The following SPATA21 variants were observed in gnomAD, a reference collection of about 807,000 sequenced individuals.
SPATA21 encodes spermatogenesis-associated protein 21.
Under a neutral mutation model 54.8 loss-of-function variants are expected in SPATA21, and 47 were observed. The observed-to-expected ratio is 0.86, with a 90% confidence interval of 0.68 to 1.09. SPATA21 has a LOEUF of 1.09. Among genes scored for constraint, SPATA21 ranks in the 50% least tolerant of loss-of-function variants. SPATA21 has a pLI of 0.00. For missense variants in SPATA21, 599 were observed against 596.4 expected (o/e 1.00, Z -0.05); for synonymous variants, 245 against 235.3 (o/e 1.04, Z -0.38).
intron 5 of SPATA21, among the ~76,000 whole-genome samples, chr1:16,412,296 T>C (rs2085874516): frequency 6.6e-6 from 1 of 152,154 alleles, no homozygotes; most frequent in African/African-American, 2.4e-5. Flanking sequence ...TCTTCTTGGG[T>C]GTCTAGAACA....
At chr1:16,424,310 C>CAA (rs779826467) in intron 3 of SPATA21, among the ~76,000 whole-genome samples, 18 of 107,544 alleles carry the variant, frequency 1.7e-4, no homozygotes, top group South Asian at 3.1e-4. Context: ...AAGACTGTCT[C>CAA]AAAAAAAAAA....
chr1:16,422,747 T>C (rs2086207551), intron 3 of SPATA21, among the ~76,000 whole-genome samples: 1 of 152,032 alleles, frequency 6.6e-6, no homozygotes, highest in South Asian at 2.1e-4. Flanking sequence ...GGCTCAAGCA[T>C]TCCTCCTGCC....
At position 16,421,581 on chromosome 1, in the gene SPATA21, G is replaced by A; in HGVS notation, c.96-24C>T. 3 of 1,610,200 alleles carry A rather than the reference G, an allele frequency of 1.9e-6. No homozygotes were observed. The African/African-American group carries it at 4.0e-5, about 22-fold the overall frequency. On this transcript the variant is annotated intron_variant, in intron 4 of 12. Transcript: ENST00000335496. The surrounding 1 kb of genome is among the most constrained non-coding windows in gnomAD (Gnocchi z 5.2). ...CCCTGAATAGAAGAGAAACCCCCAG[G>A]TGGGGGAAGCGCTCAGCTGAAGGTT...
At chr1:16,405,334 T>G (rs1010841461) in intron 7 of SPATA21, among the ~76,000 whole-genome samples, 3 of 151,778 alleles carry the variant, frequency 2.0e-5, no homozygotes, top group African/African-American at 7.3e-5. Flanking sequence ...AAACCCTATC[T>G]CTACTAAAGA....
At chr1:16,425,208 G>T (rs764504813) in intron 3 of SPATA21, 5 of 518,030 alleles carry the variant, frequency 9.7e-6, no homozygotes, top group South Asian at 7.7e-5. Flanking sequence ...CACCATGCCC[G>T]GCCTGGAAAC....
In SPATA21 at chr1:16,405,121, G is replaced by T. The variant is rs1250766366; in HGVS notation, c.674-17C>A. On this transcript the variant is annotated splice_polypyrimidine_tract_variant and intron_variant, in intron 7 of 12. Coordinates refer to ENST00000335496, the MANE Select transcript of SPATA21 (RefSeq NM_198546.1). ...TGCGGAAGGCTGTGGGGAGGGCAGG[G>T]TTATGTGGAGTGGGGGCATTTCTTG... 1.3e-6 allele frequency: 2 copies of T among 1,595,790 alleles called. No homozygotes were observed. The highest frequency in any genetic ancestry group is 2.3e-5 in the East Asian group (1 of 43,362).
intron 3 of SPATA21, among the ~76,000 whole-genome samples, chr1:16,426,819 A>T (rs190237830): frequency 6.6e-6 from 1 of 151,960 alleles, no homozygotes; most frequent in Non-Finnish European, 1.5e-5. Context: ...ACCTCAGGTA[A>T]TCCACCTGCC....
intron 3 of SPATA21, among the ~76,000 whole-genome samples, chr1:16,426,297 C>T (rs2086315211): frequency 6.7e-6 from 1 of 150,272 alleles, no homozygotes; most frequent in African/African-American, 2.5e-5. Context: ...CTTGCTCTGT[C>T]ACCCAGGTTC....
At chr1:16,413,085 G>A (rs752732270) in intron 5 of SPATA21, among the ~76,000 whole-genome samples, 1 of 152,006 alleles carries the variant, frequency 6.6e-6, no homozygotes, top group Non-Finnish European at 1.5e-5. Flanking sequence ...CCCGGCCAAC[G>A]ATTTTTTTTT....
Position 16,403,825 on chromosome 1 carries a change from G to A in SPATA21, c.903C>T (p.Asp301=). 1 of 1,610,672 alleles carries A rather than the reference G, an allele frequency of 6.2e-7. No individual in the cohort carries two copies. Residue 301 remains aspartate, a synonymous_variant, in exon 10 of 13, where the codon GAC becomes GAT. Transcript: ENST00000335496. ...FCSVEQNALS[D]MAPHNPHTLL... is the part of the protein sequence containing the mutation. ...GAGTGTGGGGGTTGTGGGGAGCCAT[G>A]TCCGACAGGGCGTTCTGTTCTGGAG...
chr1:16,412,619 T>C (rs892643392), intron 5 of SPATA21, among the ~76,000 whole-genome samples: 3 of 151,944 alleles, frequency 2.0e-5, no homozygotes, highest in South Asian at 2.1e-4. Context: ...TGTACCACCA[T>C]GCCCGGCTAA....
At position 16,404,051 on chromosome 1, in the gene SPATA21, A is replaced by G. The variant is rs1475208025; in HGVS notation, c.812-12T>C. 6.4e-7 allele frequency: 1 copy of G among 1,552,612 alleles called. No homozygotes were observed. The highest frequency in any genetic ancestry group is 8.7e-7 in the Non-Finnish European group (1 of 1,147,474). On this transcript the variant is annotated splice_polypyrimidine_tract_variant and intron_variant, in intron 8 of 12. Transcript: ENST00000335496. ...CACACGACCATCTCCTGTGGAGGCC[A>G]GAGGAGTAGGGTGGGCAGGGACCTT...
Position 16,409,242 on chromosome 1 carries a change from C to T in SPATA21, c.588-39G>A, listed in dbSNP as rs2100811597. On this transcript the variant is annotated intron_variant, in intron 6 of 12. Coordinates refer to ENST00000335496, the MANE Select transcript of SPATA21 (RefSeq NM_198546.1). The surrounding 1 kb of genome is among the most constrained non-coding windows in gnomAD (Gnocchi z 4.1). ...AACCCCGACCCAGGGCAACATCCGGCCGCCCACCCTGCTGATAGCTAGGGG... is the reference window on the plus strand; with the variant it reads ...AACCCCGACCCAGGGCAACATCCGGTCGCCCACCCTGCTGATAGCTAGGGG... 1 of 1,610,772 alleles carries T rather than the reference C, an allele frequency of 6.2e-7. No individual in the cohort carries two copies. Among genetic ancestry groups the T allele is most frequent in the East Asian group, 2.2e-5 (1 of 44,824 alleles).
chr1:16,404,155 C>T, intron 8 of SPATA21, 116 bp from the exon 9 acceptor site: 1 of 826,072 alleles, frequency 1.2e-6, no homozygotes, highest in Non-Finnish European at 2.0e-6. Flanking sequence ...GCAGTGCATA[C>T]TCAATGCAGA....
intron 5 of SPATA21, among the ~76,000 whole-genome samples, chr1:16,412,579 C>T (rs539693443): frequency 4.9e-4 from 74 of 152,224 alleles, no homozygotes; most frequent in African/African-American, 1.7e-3. Flanking sequence ...TCTCCTGCCT[C>T]AGCCTCCCAA....
intron 7 of SPATA21, among the ~76,000 whole-genome samples, chr1:16,407,061 C>T (rs908703655): frequency 2.6e-4 from 39 of 152,360 alleles, no homozygotes; most frequent in African/African-American, 8.9e-4. Context: ...GCCATGACAA[C>T]AGGGCACCCT....
intron 5 of SPATA21, among the ~76,000 whole-genome samples, chr1:16,412,673 A>G (rs1385241310): frequency 6.6e-6 from 1 of 151,536 alleles, no homozygotes; most frequent in African/African-American, 2.4e-5. Flanking sequence ...ATGTTGGCCA[A>G]ACTGGTCTCG....
rs1430305734 is a variant in SPATA21, at chr1:16,428,833, T to C, written c.34+2505A>G. On this transcript the variant is annotated intron_variant, in intron 3 of 12. Coordinates refer to ENST00000335496, the MANE Select transcript of SPATA21 (RefSeq NM_198546.1). The surrounding 1 kb of genome is among the most constrained non-coding windows in gnomAD (Gnocchi z 4.3). ...ACATTGATATAATACAAGATTCTGA[T>C]GTGAGCTAATACTAACAGGCACCTA... is the stretch of plus-strand genomic sequence containing the variant. 1.3e-5 allele frequency among the ~76,000 whole-genome samples: 2 copies of C among 152,186 alleles called. No individual in the cohort carries two copies. Among genetic ancestry groups the C allele is most frequent in the Admixed American group, 6.5e-5 (1 of 15,274 alleles).
chr1:16,400,448 C>G, intron 11 of SPATA21: 3 of 1,174,028 alleles, frequency 2.6e-6, no homozygotes, highest in South Asian at 3.1e-5. Context: ...ATCTCTACAG[C>G]TGTTCTTTCT....
Sources: allele counts gnomAD v4.1 joint callset (sites outside exome capture counted in the v4.1 genomes callset), GRCh38; gene constraint gnomAD v4.1.1; non-coding constraint Gnocchi (gnomAD v3.1); transcripts MANE v1.5; gene names NCBI Gene and HGNC (gene_info 2026-07-23, HGNC 2026-07-21).